Variants in PHACTR1 observed in about 807,000 individuals in gnomAD.
The protein encoded by PHACTR1 is phosphatase and actin regulator 1.
Under a neutral mutation model 69.2 loss-of-function variants are expected in PHACTR1, and 16 were observed. The observed-to-expected ratio is 0.23, with a 90% CI of 0.16 to 0.35. The LOEUF (loss-of-function observed/expected upper bound fraction) is 0.35, where lower values mean the gene tolerates loss of function less well. Ranked by LOEUF, PHACTR1 falls within the 10% of genes least tolerant of loss-of-function variation. The pLI, the probability that PHACTR1 is intolerant of heterozygous loss-of-function variation, is 1.00. For synonymous variants in PHACTR1, 312 were observed against 284.5 expected (o/e 1.10, Z -0.97); for missense variants, 510 against 734.7 (o/e 0.69, Z 3.54).
intron 4 of PHACTR1, among the ~76,000 whole-genome samples, chr6:12,768,844 A>G (rs1029718998): frequency 1.4e-5 from 2 of 147,882 alleles, no homozygotes; most frequent in African/African-American, 4.9e-5. Context: ...ACACACACAC[A>G]CACACACACA....
At chr6:13,253,774 A>T (rs1180846432) in intron 10 of PHACTR1, among the ~76,000 whole-genome samples, 1 of 152,168 alleles carries the variant, frequency 6.6e-6, no homozygotes, top group Non-Finnish European at 1.5e-5. Flanking sequence ...TTCCTGCGGG[A>T]GGTCAGCTGC....
At position 13,283,763 on chromosome 6, in the gene PHACTR1, G is replaced by T; in HGVS notation, c.1650+201G>T. On this transcript the variant is annotated intron_variant, in intron 13 of 14. Transcript: ENST00000332995. The surrounding 1 kb of genome is among the most constrained non-coding windows in gnomAD (Gnocchi z 4.7). ...GCTGCTGAATCGGAGAAAACACAAG[G>T]CACATAATACTGTGCCCATTTTACA... 1.4e-6 allele frequency: 1 copy of T among 721,160 alleles called. No homozygotes were observed. Among genetic ancestry groups the T allele is most frequent in the East Asian group, 2.8e-5 (1 of 35,212 alleles). The allele number at this position is 721,160 out of a possible 1,614,324, so 44.7% of individuals were successfully genotyped here. A position where few individuals can be genotyped will look rare whatever the true frequency, so the allele number is the denominator to read the frequency against.
intron 5 of PHACTR1, among the ~76,000 whole-genome samples, chr6:13,142,716 T>C (rs952054197): frequency 1.3e-5 from 2 of 152,176 alleles, no homozygotes; most frequent in Non-Finnish European, 1.5e-5. Flanking sequence ...GACCATAATA[T>C]GAGAGTTTAT....
intron 10 of PHACTR1, 47 bp from the exon 11 acceptor site, chr6:13,272,813 G>A: frequency 6.2e-7 from 1 of 1,614,060 alleles, no homozygotes; most frequent in Non-Finnish European, 8.5e-7. Flanking sequence ...AATGACCCAA[G>A]GAGGCTATGA....
intron 3 of PHACTR1, among the ~76,000 whole-genome samples, chr6:12,741,099 T>TATGAAATATGAAAATA (rs1440022178): frequency 1.3e-5 from 2 of 152,142 alleles, no homozygotes; most frequent in East Asian, 3.9e-4. Flanking sequence ...CATTATTGAT[T>TATGAAATATGAAAATA]TGAAATATTT....
chr6:12,829,964 AAGAGAGAGAGAGAGAGAG>A (rs149861206), intron 4 of PHACTR1, among the ~76,000 whole-genome samples: 1 of 99,854 alleles, frequency 1.0e-5, no homozygotes, highest in African/African-American at 4.4e-5. Flanking sequence ...TCAAGAAAGA[AAGAGAGAGAGAGAGAGAG>A]AGAGAGAGAG....
At chr6:12,924,775 GGA>G (rs1491203723) in intron 4 of PHACTR1, among the ~76,000 whole-genome samples, 1 of 122,562 alleles carries the variant, frequency 8.2e-6, no homozygotes, top group Admixed American at 8.4e-5. Context: ...ACTCTGTCCC[GGA>G]AAAAAAAAAA....
chr6:12,718,440 G>A (rs560269590), intron 2 of PHACTR1: 45 of 175,358 alleles, frequency 2.6e-4, no homozygotes, highest in Admixed American at 1.4e-3. Flanking sequence ...AGGAAAGGCT[G>A]GTATGTTATC....
intron 4 of PHACTR1, among the ~76,000 whole-genome samples, chr6:12,751,973 C>T (rs1766677662): frequency 6.6e-6 from 1 of 152,190 alleles, no homozygotes; most frequent in Non-Finnish European, 1.5e-5. Context: ...TCTTTCCCTC[C>T]TGTGATGGAA....
At chr6:13,116,087 T>C (rs1406422610) in intron 5 of PHACTR1, among the ~76,000 whole-genome samples, 1 of 152,224 alleles carries the variant, frequency 6.6e-6, no homozygotes, top group Non-Finnish European at 1.5e-5. Context: ...ATACTGGAAC[T>C]ATCTGGTTTT....
chr6:12,949,770 G>GA (rs1460042431), intron 4 of PHACTR1, among the ~76,000 whole-genome samples: 3 of 151,874 alleles, frequency 2.0e-5, no homozygotes, highest in Non-Finnish European at 4.4e-5. Flanking sequence ...TCTGTGGTTT[G>GA]AAAAAAAATC....
Position 13,112,065 on chromosome 6 carries a change from TC to T in PHACTR1, c.416-48135del, listed in dbSNP as rs533104554. ...TCCATTAGGCCCCAGTGGGTGTTGC[TC>T]CCCTCTGTGTGTCCATGTATTCTCA... On this transcript the variant is annotated intron_variant, in intron 5 of 14. Coordinates refer to ENST00000332995, the MANE Select transcript of PHACTR1 (RefSeq NM_030948.6). Among the ~76,000 whole-genome samples the T allele has an allele frequency of 1.1e-4, 17 of 152,250 alleles. No homozygotes were observed. The South Asian group carries it at 3.3e-3, about 30-fold the overall frequency.
At chr6:13,259,255 A>C (rs1407591816) in intron 10 of PHACTR1, among the ~76,000 whole-genome samples, 1 of 152,222 alleles carries the variant, frequency 6.6e-6, no homozygotes, top group Non-Finnish European at 1.5e-5. Flanking sequence ...ATGTCCAATA[A>C]TCCTAATAAT....
chr6:13,087,078 AAACTG>A (rs1812436912), intron 5 of PHACTR1, among the ~76,000 whole-genome samples: 2 of 149,942 alleles, frequency 1.3e-5, no homozygotes, highest in Admixed American at 1.3e-4. Flanking sequence ...ACCATTTTTT[AAACTG>A]AACTGTTCAT....
intron 5 of PHACTR1, among the ~76,000 whole-genome samples, chr6:13,059,949 C>A (rs896954729): frequency 6.6e-6 from 1 of 151,830 alleles, no homozygotes; most frequent in South Asian, 2.1e-4. Flanking sequence ...GAAACAAGAA[C>A]AAAATGGAAA....
At chr6:13,077,261 A>C (rs1414686829) in intron 5 of PHACTR1, among the ~76,000 whole-genome samples, 1 of 151,676 alleles carries the variant, frequency 6.6e-6, no homozygotes. Context: ...TAGCCCAATG[A>C]GGTATTATGT....
At chr6:13,169,398 G>GTA (rs2113623174) in intron 6 of PHACTR1, among the ~76,000 whole-genome samples, 1 of 152,274 alleles carries the variant, frequency 6.6e-6, no homozygotes, top group South Asian at 2.1e-4. Context: ...ACTGGTCAGT[G>GTA]TATACATCCT....
chr6:13,237,260 C>T (rs1772135029), intron 10 of PHACTR1, among the ~76,000 whole-genome samples: 1 of 152,000 alleles, frequency 6.6e-6, no homozygotes, highest in Non-Finnish European at 1.5e-5. Context: ...ACCTGTAGTC[C>T]CAGCTGCTTG....
intron 4 of PHACTR1, among the ~76,000 whole-genome samples, chr6:12,864,497 G>A (rs563066932): frequency 6.6e-6 from 1 of 152,198 alleles, no homozygotes; most frequent in African/African-American, 2.4e-5. Flanking sequence ...TGGCTAACAC[G>A]CTGAAACCCC....
Sources: gnomAD v4.1 joint callset for allele counts (sites outside exome capture counted in the v4.1 genomes callset) on GRCh38, gnomAD v4.1.1 for gene constraint, Gnocchi (gnomAD v3.1) non-coding constraint, MANE v1.5 for transcripts, NCBI Gene and HGNC (gene_info 2026-07-23, HGNC 2026-07-21) for gene names.